The following AUNIP variants were observed in gnomAD, a reference collection of about 807,000 sequenced individuals.
AUNIP encodes aurora kinase A and ninein interacting protein, also known as aurora kinase A- and ninein-interacting protein.
AUNIP carries 16 observed loss-of-function variants against 12.2 expected under a neutral mutation model. The observed-to-expected ratio is 1.31, with a 90% CI of 0.88 to 1.99. The LOEUF (loss-of-function observed/expected upper bound fraction) is 1.99, where lower values mean the gene tolerates loss of function less well. Ranked by LOEUF, AUNIP falls within the 30% of genes most tolerant of loss-of-function variation. The probability of loss-of-function intolerance (pLI) is 0.00; values close to 1 mark genes in which losing one functional copy is unlikely to be tolerated. For synonymous variants in AUNIP, 142 were observed against 154.8 expected, an observed-to-expected ratio of 0.92 and a Z score of 0.61; for missense variants, 411 against 419.1, an observed-to-expected ratio of 0.98 and a Z score of 0.17.
chr1:25,846,849 T>C (rs2048386719), intron 1 of AUNIP, among the ~76,000 whole-genome samples: 2 of 152,258 alleles, frequency 1.3e-5, no homozygotes, highest in African/African-American at 4.8e-5. Flanking sequence ...TGTTTAAATC[T>C]TCTCTTATTT....
chr1:25,838,486 G>C (rs566724871), intron 1 of AUNIP, among the ~76,000 whole-genome samples: 2 of 151,316 alleles, frequency 1.3e-5, no homozygotes, highest in East Asian at 1.9e-4. Context: ...CTGGGCGACA[G>C]AGCAAGACTC....
chr1:25,858,928 G>C (rs1454005657), intron 1 of AUNIP, among the ~76,000 whole-genome samples: 1 of 152,094 alleles, frequency 6.6e-6, no homozygotes, highest in Non-Finnish European at 1.5e-5. Flanking sequence ...GCCTCTACTA[G>C]GACGTCTCGC....
intron 1 of AUNIP, among the ~76,000 whole-genome samples, chr1:25,842,890 C>T (rs374475191): frequency 4.6e-4 from 70 of 152,208 alleles, no homozygotes; most frequent in Middle Eastern, 3.4e-3. Flanking sequence ...CAAAATATTA[C>T]TGTTCATTAG....
At position 25,834,933 on chromosome 1, in the gene AUNIP, A is replaced by C; in HGVS notation, c.*60T>G. The C allele has an allele frequency of 6.5e-7, 1 of 1,547,614 alleles. No homozygotes were observed. Among genetic ancestry groups the C allele is most frequent in the South Asian group, 1.3e-5 (1 of 79,190 alleles). ...AAACTCACTCCTCTCTCCACCCACA[A>C]CTATATTTTCCTACATCTCTATCAT... On this transcript the variant is annotated 3_prime_UTR_variant, in exon 3 of 3. Transcript: ENST00000374298.
downstream of AUNIP, chr1:25,832,061 C>T: frequency 1.2e-6 from 2 of 1,613,926 alleles, no homozygotes; most frequent in African/African-American, 1.3e-5. Context: ...TCTCATGCTC[C>T]TGGAATACCT....
intron 1 of AUNIP, among the ~76,000 whole-genome samples, chr1:25,842,565 T>C (rs2048353854): frequency 6.6e-6 from 1 of 152,260 alleles, no homozygotes; most frequent in Non-Finnish European, 1.5e-5. Flanking sequence ...ATTGTCACTG[T>C]AGACGAAATA....
downstream of AUNIP, among the ~76,000 whole-genome samples, chr1:25,833,418 A>C (rs1290018896): frequency 6.6e-6 from 1 of 152,130 alleles, no homozygotes; most frequent in Admixed American, 6.5e-5. Flanking sequence ...ACTAAGCCCC[A>C]TACATTCTTA....
At chr1:25,833,773 T>TAA (rs77483237), downstream of AUNIP, among the ~76,000 whole-genome samples, 3 of 141,204 alleles carry the variant, frequency 2.1e-5, no homozygotes, top group African/African-American at 7.8e-5. Flanking sequence ...AAATTTAAGT[T>TAA]AAAAAAAAAA....
At chr1:25,843,185 A>AAAATAT (rs1553123796) in intron 1 of AUNIP, among the ~76,000 whole-genome samples, 2 of 124,956 alleles carry the variant, frequency 1.6e-5, no homozygotes, top group African/African-American at 6.0e-5. Flanking sequence ...AAAAAAAAAA[A>AAAATAT]ATATATATAT....
intron 1 of AUNIP, among the ~76,000 whole-genome samples, chr1:25,857,075 G>A (rs1304054662): frequency 2.6e-5 from 4 of 152,046 alleles, no homozygotes; most frequent in Non-Finnish European, 4.4e-5. Context: ...TCGTGATTAC[G>A]CCACCGCACT....
intron 1 of AUNIP, among the ~76,000 whole-genome samples, chr1:25,855,598 T>TA (rs2048455026): frequency 6.6e-6 from 1 of 152,228 alleles, no homozygotes; most frequent in African/African-American, 2.4e-5. Context: ...ACTCCAAACA[T>TA]AGACTACTAT....
rs902273210 is a variant in AUNIP at position 25,840,623 on chromosome 1, C to A, written c.79-3069G>T. On this transcript the variant is annotated intron_variant, in intron 1 of 2. Coordinates refer to ENST00000374298, the MANE Select transcript of AUNIP (RefSeq NM_024037.3). ...TCCCTCACCTTGAACTTGGAAAGTA[C>A]TTTATGACTACTTTGAACAATAAGG... Among the ~76,000 whole-genome samples, 7 of 152,276 alleles carry A rather than the reference C, an allele frequency of 4.6e-5. No homozygotes were observed. The East Asian group carries it at 1.3e-3, about 29-fold the overall frequency.
At chr1:25,851,538 C>A (rs1396299821) in intron 1 of AUNIP, among the ~76,000 whole-genome samples, 1 of 152,164 alleles carries the variant, frequency 6.6e-6, no homozygotes, top group African/African-American at 2.4e-5. Context: ...CTAATTCAAT[C>A]TCTTCGTTAT....
chr1:25,855,526 T>A (rs1400145224), intron 1 of AUNIP, among the ~76,000 whole-genome samples: 2 of 152,134 alleles, frequency 1.3e-5, no homozygotes, highest in Non-Finnish European at 2.9e-5. Context: ...AAATCTAGTA[T>A]ACATACAAGG....
intron 1 of AUNIP, 106 bp downstream of exon 1, chr1:25,859,173 TC>T (rs1431557170): frequency 1.1e-4 from 130 of 1,189,776 alleles, no homozygotes; most frequent in Non-Finnish European, 1.5e-4. Flanking sequence ...CCCTTCTCTG[TC>T]CCCGACTTCG....
chr1:25,852,597 G>A (rs1321735101), intron 1 of AUNIP, among the ~76,000 whole-genome samples: 1 of 151,386 alleles, frequency 6.6e-6, no homozygotes, highest in East Asian at 1.9e-4. Context: ...CTGCCACCAC[G>A]CACAGCTAAT....
chr1:25,847,415 C>T lies in AUNIP; in HGVS notation c.79-9861G>A, dbSNP rs564229576. Among the ~76,000 whole-genome samples the T allele has an allele frequency of 3.3e-5, 5 of 152,066 alleles. No homozygotes were observed. The South Asian group carries it at 1.0e-3, about 32-fold the overall frequency. On this transcript the variant is annotated intron_variant, in intron 1 of 2. Coordinates refer to ENST00000374298, the MANE Select transcript of AUNIP (RefSeq NM_024037.3). This position sits in a 1 kb window ranked among gnomAD's most constrained non-coding sequence, Gnocchi z 4.2. Reference sequence around the variant, plus strand: ...TAGCTGGGATTACAGGCATGCGCCACGATGCCAGCTAAATTTTTTTTGTAT... The same window carrying T: ...TAGCTGGGATTACAGGCATGCGCCATGATGCCAGCTAAATTTTTTTTGTAT...
chr1:25,838,839 G>A (rs1158064950), intron 1 of AUNIP, among the ~76,000 whole-genome samples: 3 of 152,174 alleles, frequency 2.0e-5, no homozygotes, highest in African/African-American at 7.2e-5. Context: ...CAATTTTGCT[G>A]TGTCTGCCAA....
chr1:25,858,234 G>A (rs2048478748), intron 1 of AUNIP, among the ~76,000 whole-genome samples: 1 of 152,168 alleles, frequency 6.6e-6, no homozygotes, highest in African/African-American at 2.4e-5. Flanking sequence ...CCAGGATAAT[G>A]ACAAAATCTA....
Sources: gnomAD v4.1 joint callset for allele counts (sites outside exome capture counted in the v4.1 genomes callset) on GRCh38, gnomAD v4.1.1 for gene constraint, Gnocchi (gnomAD v3.1) non-coding constraint, MANE v1.5 for transcripts, NCBI Gene and HGNC (gene_info 2026-07-23, HGNC 2026-07-21) for gene names.